BCL2: variants seen among roughly 807,000 people sequenced by gnomAD.
BCL2 encodes BCL2 apoptosis regulator, also known as apoptosis regulator Bcl-2.
In BCL2, 1 loss-of-function variant was observed where a neutral mutation model predicts 14.2. The ratio of observed to expected loss-of-function variants is 0.07; its 90% CI spans 0.02 to 0.33. BCL2 has a LOEUF of 0.33. BCL2 is among the 10% of genes least tolerant of loss of function. BCL2 has a pLI of 0.99. For synonymous variants in BCL2, 151 were observed against 137.2 expected (o/e 1.10, Z -0.70); for missense variants, 247 against 305.9 (o/e 0.81, Z 1.44).
chr18:63,215,488 T>C (rs1218134502), intron 2 of BCL2, among the ~76,000 whole-genome samples: 1 of 152,216 alleles, frequency 6.6e-6, no homozygotes, highest in South Asian at 2.1e-4. Flanking sequence ...TAAAGGGACA[T>C]ATGATATGAT....
intron 2 of BCL2, among the ~76,000 whole-genome samples, chr18:63,189,952 C>T (rs557354518): frequency 7.0e-4 from 107 of 152,248 alleles, no homozygotes; most frequent in African/African-American, 2.0e-3. Flanking sequence ...GAAAAGTGGT[C>T]TATTGGGTAT....
intron 2 of BCL2, among the ~76,000 whole-genome samples, chr18:63,220,349 C>G (rs1046494737): frequency 6.6e-6 from 1 of 152,160 alleles, no homozygotes; most frequent in African/African-American, 2.4e-5. Context: ...CCCCCTTTCA[C>G]TCTGAAAACT....
At chr18:63,207,230 G>C (rs1248106391) in intron 2 of BCL2, among the ~76,000 whole-genome samples, 1 of 152,240 alleles carries the variant, frequency 6.6e-6, no homozygotes, top group Non-Finnish European at 1.5e-5. Flanking sequence ...GATGCCGGCA[G>C]AGCGAGCCTT....
intron 2 of BCL2, among the ~76,000 whole-genome samples, chr18:63,229,283 G>T (rs750177650): frequency 1.3e-5 from 2 of 151,998 alleles, no homozygotes; most frequent in African/African-American, 4.8e-5. Flanking sequence ...AAAAATTGAG[G>T]TATTCAATGA....
intron 2 of BCL2, among the ~76,000 whole-genome samples, chr18:63,178,783 C>G (rs919182336): frequency 6.6e-6 from 1 of 151,896 alleles, no homozygotes; most frequent in Non-Finnish European, 1.5e-5. Flanking sequence ...TTCCCACCCC[C>G]AACCTCCCTG....
intron 2 of BCL2, chr18:63,302,823 G>A: frequency 4.1e-6 from 4 of 985,216 alleles, no homozygotes; most frequent in Non-Finnish European, 2.4e-6. Flanking sequence ...AACTCCCTTA[G>A]CCCTGCAAAT....
At chr18:63,215,533 T>C (rs1467348172) in intron 2 of BCL2, among the ~76,000 whole-genome samples, 1 of 152,226 alleles carries the variant, frequency 6.6e-6, no homozygotes, top group Admixed American at 6.5e-5. Context: ...AACATATATT[T>C]GTGACTACAA....
intron 2 of BCL2, among the ~76,000 whole-genome samples, chr18:63,244,309 C>T (rs1288186181): frequency 2.0e-5 from 3 of 152,116 alleles, no homozygotes; most frequent in South Asian, 2.1e-4. Context: ...ACCTGGGAGG[C>T]GGAGGTTGCA....
chr18:63,289,296 A>G (rs1568259425), intron 2 of BCL2, among the ~76,000 whole-genome samples: 1 of 152,208 alleles, frequency 6.6e-6, no homozygotes, highest in South Asian at 2.1e-4. Flanking sequence ...AAAGGCTGAA[A>G]AGGTGGTAAA....
At chr18:63,144,051 C>G (rs968052680) in intron 2 of BCL2, among the ~76,000 whole-genome samples, 3 of 152,184 alleles carry the variant, frequency 2.0e-5, no homozygotes, top group Non-Finnish European at 4.4e-5. Context: ...GTGAAGGCTT[C>G]AAGAGAAATT....
chr18:63,312,675 C>CT (rs1221927741), intron 2 of BCL2, among the ~76,000 whole-genome samples: 12 of 152,068 alleles, frequency 7.9e-5, no homozygotes, highest in Admixed American at 2.0e-4. Context: ...AAAACAGAAG[C>CT]TTTTTTTTCC....
At chr18:63,189,176 C>A (rs1303073106) in intron 2 of BCL2, among the ~76,000 whole-genome samples, 1 of 140,198 alleles carries the variant, frequency 7.1e-6, no homozygotes. Flanking sequence ...TTTACCCTCC[C>A]ATTAACAGCA....
intron 2 of BCL2, among the ~76,000 whole-genome samples, chr18:63,265,702 C>T (rs536627160): frequency 1.3e-5 from 2 of 152,118 alleles, no homozygotes; most frequent in African/African-American, 4.8e-5. Context: ...AAACCAGGGA[C>T]CTATCTGGAA....
chr18:63,216,097 TTTTG>T (rs1270058199), intron 2 of BCL2, among the ~76,000 whole-genome samples: 51 of 152,158 alleles, frequency 3.4e-4, no homozygotes, highest in African/African-American at 1.2e-3. Context: ...AGGGCTGTGG[TTTTG>T]TTTGTTTGTT....
At chr18:63,244,558 A>T (rs1011616673) in intron 2 of BCL2, among the ~76,000 whole-genome samples, 1 of 151,408 alleles carries the variant, frequency 6.6e-6, no homozygotes, top group Non-Finnish European at 1.5e-5. Flanking sequence ...GACTGTCTTT[A>T]AAAAAAAAGA....
chr18:63,282,252 A>G (rs954717847), intron 2 of BCL2, among the ~76,000 whole-genome samples: 1 of 152,242 alleles, frequency 6.6e-6, no homozygotes, highest in African/African-American at 2.4e-5. Flanking sequence ...GCTAAGCTAC[A>G]GGTCACTCTT....
chr18:63,247,917 T>C (rs1244918037), intron 2 of BCL2, among the ~76,000 whole-genome samples: 3 of 152,116 alleles, frequency 2.0e-5, no homozygotes, highest in Non-Finnish European at 2.9e-5. Flanking sequence ...GCATCTGCTT[T>C]AGCAAGGAAA....
intron 2 of BCL2, among the ~76,000 whole-genome samples, chr18:63,201,710 A>C (rs993759131): frequency 2.6e-5 from 4 of 152,202 alleles, no homozygotes; most frequent in African/African-American, 9.7e-5. Context: ...CATCATTCTC[A>C]GCAAACTATC....
chr18:63,283,518 G>A (rs1469039083), intron 2 of BCL2, among the ~76,000 whole-genome samples: 8 of 152,130 alleles, frequency 5.3e-5, no homozygotes, highest in African/African-American at 9.7e-5. Flanking sequence ...AGATGTTTGC[G>A]TGGCTAGCTG....
Sources: allele counts gnomAD v4.1 joint callset (sites outside exome capture counted in the v4.1 genomes callset), GRCh38; gene constraint gnomAD v4.1.1; transcripts MANE v1.5; gene names NCBI Gene and HGNC (gene_info 2026-07-23, HGNC 2026-07-21).